CACNG2: variants seen among roughly 807,000 people sequenced by gnomAD.
CACNG2 encodes the protein calcium voltage-gated channel auxiliary subunit gamma 2.
A neutral mutation model predicts 25.9 loss-of-function variants in CACNG2; 3 were observed. That is an observed-to-expected ratio of 0.12 (90% CI 0.05 to 0.30). The LOEUF (loss-of-function observed/expected upper bound fraction) is 0.30, where lower values mean the gene tolerates loss of function less well. CACNG2 is among the 10% of genes least tolerant of loss of function. CACNG2 has a pLI of 1.00. For synonymous variants in CACNG2, 167 were observed against 173.3 expected (o/e 0.96, Z 0.29); for missense variants, 341 against 432.5 (o/e 0.79, Z 1.88).
At chr22:36,608,608 T>C (rs1935878964) in intron 1 of CACNG2, among the ~76,000 whole-genome samples, 1 of 152,160 alleles carries the variant, frequency 6.6e-6, no homozygotes, top group South Asian at 2.1e-4. Context: ...TTCATAGAGG[T>C]GATAAATGTT....
intron 2 of CACNG2, among the ~76,000 whole-genome samples, chr22:36,578,603 T>C (rs1935363852): frequency 1.3e-5 from 2 of 152,098 alleles, no homozygotes; most frequent in African/African-American, 4.8e-5. Flanking sequence ...TCCCCACACT[T>C]CCCTGGCTCA....
chr22:36,609,246 C>G (rs1454535559), intron 1 of CACNG2, among the ~76,000 whole-genome samples: 2 of 141,304 alleles, frequency 1.4e-5, no homozygotes, highest in East Asian at 4.3e-4. Flanking sequence ...ATCAGCCCCC[C>G]AGAGTGTGAT....
chr22:36,581,137 T>G (rs1415740373), intron 2 of CACNG2, among the ~76,000 whole-genome samples: 1 of 152,146 alleles, frequency 6.6e-6, no homozygotes, highest in Admixed American at 6.5e-5. Flanking sequence ...GCAGACACAT[T>G]CGATGGGCCC....
At chr22:36,642,361 A>G (rs1936452779) in intron 1 of CACNG2, among the ~76,000 whole-genome samples, 1 of 152,140 alleles carries the variant, frequency 6.6e-6, no homozygotes, top group Admixed American at 6.5e-5. Flanking sequence ...CTCCACCCCC[A>G]ATGCATTCAT....
At chr22:36,689,933 T>A (rs1937247777) in intron 1 of CACNG2, among the ~76,000 whole-genome samples, 1 of 152,178 alleles carries the variant, frequency 6.6e-6, no homozygotes, top group Non-Finnish European at 1.5e-5. Context: ...GGGACGTTCT[T>A]TAAAAGGGAG....
chr22:36,663,839 A>G (rs1936835419), intron 1 of CACNG2, among the ~76,000 whole-genome samples: 1 of 152,200 alleles, frequency 6.6e-6, no homozygotes, highest in African/African-American at 2.4e-5. Flanking sequence ...AGGGAAATTC[A>G]GGACACAGGC....
At position 36,671,819 on chromosome 22, in the gene CACNG2, C is replaced by A. The variant is rs1363007211; in HGVS notation, c.211+30547G>T. On this transcript the variant is annotated intron_variant, in intron 1 of 3. Transcript: ENST00000300105. ...GCAGAGCTTTCACCTCCTTTTCAGGCAACCCAAAATTTGGGGACTCAGATC... is the reference window on the plus strand; with the variant it reads ...GCAGAGCTTTCACCTCCTTTTCAGGAAACCCAAAATTTGGGGACTCAGATC... Among the ~76,000 whole-genome samples the A allele has an allele frequency of 5.3e-5, 8 of 152,254 alleles. No homozygotes were observed. In the East Asian group the frequency reaches 1.3e-3, roughly 26 times the overall value.
intron 1 of CACNG2, among the ~76,000 whole-genome samples, chr22:36,594,791 G>A (rs1935650351): frequency 6.6e-6 from 1 of 150,754 alleles, no homozygotes; most frequent in African/African-American, 2.4e-5. Context: ...GTCTGTGTGT[G>A]TGTCTTGTGT....
At chr22:36,595,301 C>T (rs746443851) in intron 1 of CACNG2, among the ~76,000 whole-genome samples, 16 of 152,114 alleles carry the variant, frequency 1.1e-4, no homozygotes, top group Admixed American at 2.0e-4. Flanking sequence ...AGAGAGGGCC[C>T]GAAGCCAGCA....
chr22:36,571,480 C>T (rs548476932), intron 2 of CACNG2, among the ~76,000 whole-genome samples: 2 of 151,454 alleles, frequency 1.3e-5, no homozygotes, highest in South Asian at 2.1e-4. Context: ...AAAGAAATGC[C>T]GCCCCTCAGC....
chr22:36,677,074 A>T (rs1482759383), intron 1 of CACNG2, among the ~76,000 whole-genome samples: 1 of 152,070 alleles, frequency 6.6e-6, no homozygotes, highest in Non-Finnish European at 1.5e-5. Flanking sequence ...TACAGTATCA[A>T]ACAGCCCCTG....
At chr22:36,619,753 C>T (rs2299831) in intron 1 of CACNG2, among the ~76,000 whole-genome samples, 13,343 of 152,274 alleles carry the variant, frequency 0.088, 804 homozygotes, top group East Asian at 0.23. Flanking sequence ...AGTGAAAGTG[C>T]TATTCTACGA....
At chr22:36,602,998 C>T (rs1464098105) in intron 1 of CACNG2, among the ~76,000 whole-genome samples, 7 of 152,136 alleles carry the variant, frequency 4.6e-5, no homozygotes, top group Admixed American at 3.9e-4. Flanking sequence ...AAGCTAGAAA[C>T]AATTAAGCTT....
At chr22:36,652,249 T>C (rs1260846387) in intron 1 of CACNG2, among the ~76,000 whole-genome samples, 4 of 152,084 alleles carry the variant, frequency 2.6e-5, no homozygotes, top group Non-Finnish European at 5.9e-5. Context: ...GGCACCTCCT[T>C]GTAACTTGCT....
At chr22:36,571,872 G>A (rs561895484) in intron 2 of CACNG2, among the ~76,000 whole-genome samples, 29 of 137,180 alleles carry the variant, frequency 2.1e-4, no homozygotes, top group Admixed American at 2.0e-3. Context: ...GCAAGATTCT[G>A]TCTCAAAAAC....
chr22:36,571,893 A>G (rs1042618003), intron 2 of CACNG2, among the ~76,000 whole-genome samples: 1 of 151,976 alleles, frequency 6.6e-6, no homozygotes, highest in Non-Finnish European at 1.5e-5. Context: ...AAAAAAAAAA[A>G]AAAAAAGAAT....
chr22:36,655,300 T>C (rs1936686344), intron 1 of CACNG2, among the ~76,000 whole-genome samples: 1 of 152,184 alleles, frequency 6.6e-6, no homozygotes, highest in African/African-American at 2.4e-5. Flanking sequence ...AAGGAGAATA[T>C]CAACTTTTCT....
chr22:36,591,319 G>A (rs1273476901), intron 1 of CACNG2, among the ~76,000 whole-genome samples: 1 of 152,040 alleles, frequency 6.6e-6, no homozygotes, highest in Non-Finnish European at 1.5e-5. Flanking sequence ...GTGAGCCACC[G>A]CGCCCGGCCT....
In CACNG2 at chr22:36,606,891, G is replaced by A. The variant is rs1569027466; in HGVS notation, c.212-19343C>T. The stretch of plus-strand genomic sequence containing the variant: ...TATGTCTGTGTGTGAGTCTGTGTGT[G>A]TGTCTGTGGTGTGTGTATGCATGTG... On this transcript the variant is annotated intron_variant, in intron 1 of 3. Coordinates refer to ENST00000300105, the MANE Select transcript of CACNG2 (RefSeq NM_006078.5). The surrounding 1 kb of genome is among the most constrained non-coding windows in gnomAD (Gnocchi z 5.7). 6.6e-6 allele frequency among the ~76,000 whole-genome samples: 1 copy of A among 151,676 alleles called. No homozygotes were observed. Among genetic ancestry groups the A allele is most frequent in the African/African-American group, 2.4e-5 (1 of 41,294 alleles).
Sources: gnomAD v4.1 joint callset for allele counts (sites outside exome capture counted in the v4.1 genomes callset) on GRCh38, gnomAD v4.1.1 for gene constraint, Gnocchi (gnomAD v3.1) non-coding constraint, MANE v1.5 for transcripts, NCBI Gene and HGNC (gene_info 2026-07-23, HGNC 2026-07-21) for gene names.